The following MUC4 variants were observed in gnomAD, a reference collection of about 807,000 sequenced individuals.
The protein encoded by MUC4 is mucin-4.
MUC4 carries 202 observed loss-of-function variants against 257.9 expected under a neutral mutation model. The ratio of observed to expected loss-of-function variants is 0.78; its 90% CI spans 0.70 to 0.88. MUC4 has a LOEUF of 0.88. Ranked by LOEUF, MUC4 falls within the 40% of genes least tolerant of loss-of-function variation. MUC4 has a pLI of 0.00. For synonymous variants in MUC4, 2,351 were observed against 2,757.1 expected (o/e 0.85, Z 4.62); for missense variants, 5,976 against 6,513.7 (o/e 0.92, Z 2.84).
At chr3:195,756,476 T>G (rs536076624) in intron 18 of MUC4, among the ~76,000 whole-genome samples, 1 of 152,358 alleles carries the variant, frequency 6.6e-6, no homozygotes, top group African/African-American at 2.4e-5. Context: ...AAAATCCAGT[T>G]GAACTATAAG....
rs757340628 is a variant in MUC4, at chr3:195,778,819, G to A, written c.12761C>T (p.Ser4254Leu). The change falls in exon 2 of 25, where the codon TCG (serine) becomes TTG (leucine). Residue 4254 changes from serine to leucine, a missense_variant. Around this residue, in one of 44 missense-constraint regions of MUC4, gnomAD observed 233 missense variants for 171.2 expected, o/e 1.36. Transcript: ENST00000463781. ...SSATSASTVSSDSPLKMETPG... is the reference protein window; with the variant it reads ...SSATSASTVSLDSPLKMETPG... Reference sequence around the variant, plus strand: ...TGTTTCCATCTTCAGAGGGGAGTCCGAGGATACTGTGGAAGCTGAGGTAGC... The same window carrying A: ...TGTTTCCATCTTCAGAGGGGAGTCCAAGGATACTGTGGAAGCTGAGGTAGC... The A allele has an allele frequency of 1.4e-5, 22 of 1,612,064 alleles. No individual in the cohort carries two copies. Among genetic ancestry groups the A allele is most frequent in the African/African-American group, 4.0e-5 (3 of 74,942 alleles).
At chr3:195,753,933 T>C (rs1716993926) in intron 19 of MUC4, 2 of 392,916 alleles carry the variant, frequency 5.1e-6, no homozygotes, top group Non-Finnish European at 8.9e-6. Flanking sequence ...CCCCCATCAA[T>C]GCCTCAGGGA....
intron 7 of MUC4, among the ~76,000 whole-genome samples, chr3:195,767,600 TCATCACCATTGC>T (rs1721217338): frequency 2.2e-5 from 1 of 45,396 alleles, no homozygotes; most frequent in Non-Finnish European, 4.5e-5. Flanking sequence ...ACCACCACCA[TCATCACCATTGC>T]CACCACCATC....
intron 18 of MUC4, among the ~76,000 whole-genome samples, chr3:195,754,851 A>G (rs1326392840): frequency 1.3e-5 from 2 of 151,682 alleles, no homozygotes; most frequent in Non-Finnish European, 2.9e-5. Context: ...TCATGTATGT[A>G]TCCATGTAGA....
rs752048250 is a variant in MUC4 at position 195,761,052 on chromosome 3, CAG to C, written c.14678_14679del (p.Pro4893ArgfsTer14). 71 of 1,614,152 alleles carry C rather than the reference CAG, an allele frequency of 4.4e-5. No homozygotes were observed. Among genetic ancestry groups the C allele is most frequent in the Admixed American group, 1.8e-4 (11 of 60,026 alleles). On this transcript the variant is annotated frameshift_variant, in exon 16 of 25. Coordinates refer to ENST00000463781, the MANE Select transcript of MUC4 (RefSeq NM_018406.7). LOFTEE classifies it high-confidence loss of function. Reference sequence around the variant, plus strand: ...TTTTTTTGCAGTTGTGAGTAGAAAACAGGGGTGAAGTTGGAAGGCAGCTGGTC... The same window carrying C: ...TTTTTTTGCAGTTGTGAGTAGAAAACGGGTGAAGTTGGAAGGCAGCTGGTC... ...RNDQLPSNFT[P>X]VFYSQLQKNS... is the part of the protein sequence containing the mutation.
At chr3:195,802,687 A>G (rs570870400) in intron 1 of MUC4, among the ~76,000 whole-genome samples, 47 of 151,910 alleles carry the variant, frequency 3.1e-4, no homozygotes, top group Non-Finnish European at 5.4e-4. Flanking sequence ...GGCAAGAATG[A>G]CCTTCGTCTG....
chr3:195,795,862 G>GGA (rs1247033581), intron 1 of MUC4, among the ~76,000 whole-genome samples: 22 of 145,122 alleles, frequency 1.5e-4, no homozygotes, highest in Non-Finnish European at 2.5e-4. Context: ...GTGGGAGGAG[G>GGA]GAGAGAGAGA....
At chr3:195,811,619 C>T in intron 1 of MUC4, 117 bp downstream of exon 1, 1 of 859,522 alleles carries the variant, frequency 1.2e-6, no homozygotes, top group East Asian at 2.6e-5. Flanking sequence ...TCGCTGTCTC[C>T]CTTTCCCCTA....
At position 195,786,690 on chromosome 3, in the gene MUC4, G is replaced by T. The variant is rs1732201052; in HGVS notation, c.4890C>A (p.Thr1630=). The T allele has an allele frequency of 1.9e-6, 3 of 1,539,088 alleles. No individual in the cohort carries two copies. The highest frequency in any genetic ancestry group is 1.4e-5 in the African/African-American group (1 of 71,770). Reference sequence around the variant, plus strand: ...AAGCATTGGTGACAGGAAGAGGGGTGGTGTCACCTGTGGATGCTGAGGAAG... The same window carrying T: ...AAGCATTGGTGACAGGAAGAGGGGTTGTGTCACCTGTGGATGCTGAGGAAG... ...TDTSSASTGD[T]TPLPVTNASS... is the part of the protein sequence containing the mutation. Residue 1630 remains threonine (T), a synonymous_variant, in exon 2 of 25, where the codon ACC becomes ACA. Transcript: ENST00000463781.
chr3:195,803,886 G>A (rs1735661381), intron 1 of MUC4, among the ~76,000 whole-genome samples: 1 of 152,152 alleles, frequency 6.6e-6, no homozygotes, highest in South Asian at 2.1e-4. Context: ...GCCACATGCA[G>A]AGGGCTCTGA....
chr3:195,757,203 C>T lies in MUC4; in HGVS notation c.15112G>A (p.Ala5038Thr). Reference protein sequence around the residue: ...QPRTVVCHCNAESQCLYNQTS... With the variant: ...QPRTVVCHCNTESQCLYNQTS... ...TGATTGTACAAACACTGGCTCTCTGCATTGCAATGGCAGACCACAGTCCTG... is the reference window on the plus strand; with the variant it reads ...TGATTGTACAAACACTGGCTCTCTGTATTGCAATGGCAGACCACAGTCCTG... Residue 5038 changes from alanine to threonine, a missense_variant, in exon 18 of 25, where the codon GCA becomes ACA. Ala to Thr is a moderately conservative substitution (Grantham distance 58). Around this residue, in one of 44 missense-constraint regions of MUC4, gnomAD observed 996 missense variants for 1,137.3 expected, o/e 0.88. Transcript: ENST00000463781. This position sits in a 1 kb window ranked among gnomAD's most constrained non-coding sequence, Gnocchi z 4.8. 6.2e-7 allele frequency: 1 copy of T among 1,612,962 alleles called. No individual in the cohort carries two copies. The highest frequency in any genetic ancestry group is 1.1e-5 in the South Asian group (1 of 91,040).
Position 195,782,933 on chromosome 3 carries a change from C to G in MUC4, c.8647G>C (p.Val2883Leu), listed in dbSNP as rs1234486669. The G allele has an allele frequency of 1.2e-5, 18 of 1,503,428 alleles. No homozygotes were observed. In the African/African-American group the frequency reaches 2.9e-4, roughly 25 times the overall value. The allele number at this position is 1,503,428 out of a possible 1,614,324, so 93.1% of individuals were successfully genotyped here. ...GTGGACACTGAGGAAGCGTCGGTGACAGGAAGAGGGGTGGCATGACCTGTG... is the reference window on the plus strand; with the variant it reads ...GTGGACACTGAGGAAGCGTCGGTGAGAGGAAGAGGGGTGGCATGACCTGTG... The part of the protein sequence containing the change: ...VSTGHATPLP[V>L]TDASSVSTGH... Residue 2883 changes from valine to leucine, a missense_variant, in exon 2 of 25, where the codon GTC (valine) becomes CTC (leucine). Coordinates refer to ENST00000463781, the MANE Select transcript of MUC4 (RefSeq NM_018406.7).
At chr3:195,751,959 G>T in intron 21 of MUC4, 1 of 229,690 alleles carries the variant, frequency 4.4e-6, no homozygotes, top group Non-Finnish European at 8.7e-6. Flanking sequence ...TCTGATTCTG[G>T]GTGTGCAGGA....
chr3:195,772,824 T>TCTCCATCGCTCAGGGGTGTAGACACCCC (rs1723334297), intron 4 of MUC4, among the ~76,000 whole-genome samples: 1 of 53,318 alleles, frequency 1.9e-5, no homozygotes, highest in African/African-American at 1.2e-4. Context: ...GTAGACACCC[T>TCTCCATCGCTCAGGGGTGTAGACACCCC]CTCTCCATCG....
intron 7 of MUC4, among the ~76,000 whole-genome samples, chr3:195,767,540 T>TCGC (rs1721040265): frequency 1.5e-5 from 1 of 65,732 alleles, no homozygotes; most frequent in Non-Finnish European, 2.8e-5. Context: ...GCCACCACCA[T>TCGC]CATCACCATC....
intron 7 of MUC4, among the ~76,000 whole-genome samples, chr3:195,767,106 G>A (rs1720678555): frequency 6.6e-6 from 1 of 152,078 alleles, no homozygotes; most frequent in South Asian, 2.1e-4. Context: ...CAGACTCTAG[G>A]GACAGTGTAT....
Position 195,752,257 on chromosome 3 carries a change from C to T in MUC4, c.15582+116G>A, listed in dbSNP as rs2293233. The T allele has an allele frequency of 1.8e-4, 182 of 1,008,404 alleles. 1 individual carries two copies. In the East Asian group the frequency reaches 2.9e-3, roughly 16 times the overall value. The allele number at this position is 1,008,404 out of a possible 1,614,324, so 62.5% of individuals were successfully genotyped here. A position where few individuals can be genotyped will look rare whatever the true frequency, so the allele number is the denominator to read the frequency against. ...CCATGGGGCAAGAGGCTCCGGCCTC[C>T]TCTGGCAGTTGAATCCAGATGGATG... On this transcript the variant is annotated intron_variant, in intron 21 of 24. Coordinates refer to ENST00000463781, the MANE Select transcript of MUC4 (RefSeq NM_018406.7).
At chr3:195,799,143 G>A (rs1578467387) in intron 1 of MUC4, among the ~76,000 whole-genome samples, 1 of 151,950 alleles carries the variant, frequency 6.6e-6, no homozygotes, top group Non-Finnish European at 1.5e-5. Flanking sequence ...GGGTCATGTG[G>A]ACTCCACTGC....
chr3:195,774,124 A>G (rs914256059), intron 4 of MUC4, 48 bp downstream of exon 4: 2 of 1,550,002 alleles, frequency 1.3e-6, no homozygotes, highest in Non-Finnish European at 1.7e-6. Flanking sequence ...CAGGAGAGAG[A>G]AGTGGGCCCT....
Sources: gnomAD v4.1 joint callset for allele counts (sites outside exome capture counted in the v4.1 genomes callset) on GRCh38, gnomAD v4.1.1 for gene constraint, gnomAD v4.1.1 regional missense constraint, Gnocchi (gnomAD v3.1) non-coding constraint, MANE v1.5 for transcripts, NCBI Gene and HGNC (gene_info 2026-07-23, HGNC 2026-07-21) for gene names.